Variants in SHANK2 observed in about 807,000 individuals in gnomAD.
SHANK2 encodes SH3 and multiple ankyrin repeat domains 2.
Under a neutral mutation model 133.7 loss-of-function variants are expected in SHANK2, and 43 were observed. The ratio of observed to expected loss-of-function variants is 0.32; its 90% CI spans 0.25 to 0.41. SHANK2 has a LOEUF of 0.41. Ranked by LOEUF, SHANK2 falls within the 10% of genes least tolerant of loss-of-function variation. SHANK2 has a pLI of 1.00. For missense variants in SHANK2, 1,994 were observed against 2,235.8 expected, an observed-to-expected ratio of 0.89 and a Z score of 2.18; for synonymous variants, 1,017 against 952.8, an observed-to-expected ratio of 1.07 and a Z score of -1.24.
At position 70,830,898 on chromosome 11, in the gene SHANK2, G is replaced by T. The variant is rs925394178; in HGVS notation, c.1175-10216C>A. Among the ~76,000 whole-genome samples, 1 of 152,190 alleles carries T rather than the reference G, an allele frequency of 6.6e-6. No individual in the cohort carries two copies. The highest frequency in any genetic ancestry group is 2.4e-5 in the African/African-American group (1 of 41,450). On this transcript the variant is annotated intron_variant, in intron 11 of 25. Transcript: ENST00000601538. This position sits in a 1 kb window ranked among gnomAD's most constrained non-coding sequence, Gnocchi z 4.4. Reference sequence around the variant, plus strand: ...GGTTTCCACGCATTGGAGCCCAAATGCCCACAGCATGGCTGAGCACTCCCT... The same window carrying T: ...GGTTTCCACGCATTGGAGCCCAAATTCCCACAGCATGGCTGAGCACTCCCT...
intron 14 of SHANK2, among the ~76,000 whole-genome samples, chr11:70,711,842 A>T (rs894294257): frequency 3.3e-5 from 5 of 152,204 alleles, no homozygotes; most frequent in African/African-American, 2.4e-5. Flanking sequence ...GGCTCCCGGG[A>T]CTGACCTTGC....
intron 17 of SHANK2, among the ~76,000 whole-genome samples, chr11:70,511,404 A>T (rs529152315): frequency 3.3e-5 from 5 of 152,302 alleles, no homozygotes; most frequent in African/African-American, 1.2e-4. Flanking sequence ...AGATGCCAGA[A>T]ATTGCTCATG....
chr11:70,596,482 GGGCATCAGGGTCCTGGTCTGGGACCCACC>G (rs1463765214), intron 17 of SHANK2, among the ~76,000 whole-genome samples: 1 of 152,168 alleles, frequency 6.6e-6, no homozygotes, highest in Non-Finnish European at 1.5e-5. Flanking sequence ...GGGTTGGAAG[GGGCATCAGGGTCCTGGTCTGGGACCCACC>G]CCCACCAGGC....
At chr11:71,202,508 A>C (rs1954037612) in intron 2 of SHANK2, among the ~76,000 whole-genome samples, 1 of 152,200 alleles carries the variant, frequency 6.6e-6, no homozygotes, top group Non-Finnish European at 1.5e-5. Context: ...CAGGTCTTCC[A>C]ACTCCACACT....
At chr11:70,948,890 A>C (rs1247374372) in intron 10 of SHANK2, among the ~76,000 whole-genome samples, 1 of 152,212 alleles carries the variant, frequency 6.6e-6, no homozygotes, top group East Asian at 1.9e-4. Context: ...AAAAAAATTA[A>C]ATTTTAACAT....
intron 17 of SHANK2, among the ~76,000 whole-genome samples, chr11:70,527,337 C>T (rs1186218246): frequency 1.3e-5 from 2 of 152,122 alleles, no homozygotes; most frequent in African/African-American, 4.8e-5. Flanking sequence ...CTGGACTCAC[C>T]CTGACCTTGT....
intron 15 of SHANK2, chr11:70,669,241 T>A (rs1944746872): frequency 6.6e-6 from 1 of 152,276 alleles, no homozygotes. Flanking sequence ...TTAAAGCGGC[T>A]GTGAGTGGTC....
At chr11:70,908,712 G>C (rs2938251) in intron 10 of SHANK2, among the ~76,000 whole-genome samples, 152,267 of 152,314 alleles carry the variant, frequency 1, 76,110 homozygotes, top group Non-Finnish European at 1. Flanking sequence ...CAAGGTGACT[G>C]TAATTACAAG....
chr11:70,553,939 G>A (rs1418687248), intron 17 of SHANK2, among the ~76,000 whole-genome samples: 1 of 152,252 alleles, frequency 6.6e-6, no homozygotes, highest in Non-Finnish European at 1.5e-5. Context: ...TGCCGCAGAA[G>A]AGGCTACAGG....
At chr11:71,059,218 G>A (rs1368569623) in intron 9 of SHANK2, among the ~76,000 whole-genome samples, 6 of 151,920 alleles carry the variant, frequency 3.9e-5, no homozygotes, top group Middle Eastern at 3.4e-3. Flanking sequence ...ACTCTGTCTC[G>A]AAAAAATAAA....
At position 70,665,675 on chromosome 11, in the gene SHANK2, A is replaced by G. The variant is rs1465247436; in HGVS notation, c.1854-3997T>C. On this transcript the variant is annotated intron_variant, in intron 15 of 25. Transcript: ENST00000601538. Reference sequence around the variant, plus strand: ...GCAGACAGACATGGGTTTGAATTTCAACCCAGACATTGACCACCTTGACTA... The same window carrying G: ...GCAGACAGACATGGGTTTGAATTTCGACCCAGACATTGACCACCTTGACTA... 9.9e-5 allele frequency among the ~76,000 whole-genome samples: 15 copies of G among 152,126 alleles called. No individual in the cohort carries two copies. In the East Asian group the frequency reaches 2.7e-3, roughly 27 times the overall value.
chr11:70,584,021 C>T (rs1265459417), intron 17 of SHANK2, among the ~76,000 whole-genome samples: 1 of 152,198 alleles, frequency 6.6e-6, no homozygotes, highest in Non-Finnish European at 1.5e-5. Flanking sequence ...TCTGCAGCCA[C>T]CGCGAGCATG....
Position 70,500,624 on chromosome 11 carries a change from C to A in SHANK2, c.2288-34G>T, listed in dbSNP as rs782175589. On this transcript the variant is annotated intron_variant, in intron 20 of 25. Coordinates refer to ENST00000601538, the MANE Select transcript of SHANK2 (RefSeq NM_012309.5). This position sits in a 1 kb window ranked among gnomAD's most constrained non-coding sequence, Gnocchi z 4.5. Reference sequence around the variant, plus strand: ...CAGAAAGGGGACCGCCATGAGCCACCAGGATGCAGCGCCCGCCCGCAGCCT... The same window carrying A: ...CAGAAAGGGGACCGCCATGAGCCACAAGGATGCAGCGCCCGCCCGCAGCCT... 2 of 1,593,860 alleles carry A rather than the reference C, an allele frequency of 1.3e-6. No individual in the cohort carries two copies. Among genetic ancestry groups the A allele is most frequent in the Non-Finnish European group, 1.7e-6 (2 of 1,170,866 alleles).
rs540187788 is a variant in SHANK2 at position 70,573,901 on chromosome 11, G to T, written c.2062-70970C>A. Among the ~76,000 whole-genome samples, 4 of 152,360 alleles carry T rather than the reference G, an allele frequency of 2.6e-5. No homozygotes were observed. The South Asian group carries it at 8.3e-4, about 32-fold the overall frequency. ...ACCCGCTGGGGGCCCTGAAAGGCCT[G>T]GGCTGATGATGTGGTCTTGGGCTCC... On this transcript the variant is annotated intron_variant, in intron 17 of 25. Coordinates refer to ENST00000601538, the MANE Select transcript of SHANK2 (RefSeq NM_012309.5).
At chr11:71,169,574 A>T (rs1953266009) in intron 2 of SHANK2, among the ~76,000 whole-genome samples, 1 of 152,072 alleles carries the variant, frequency 6.6e-6, no homozygotes, top group Non-Finnish European at 1.5e-5. Flanking sequence ...AACATGGTGA[A>T]ACCCCATGTC....
intron 17 of SHANK2, among the ~76,000 whole-genome samples, chr11:70,643,833 A>C (rs970970865): frequency 6.6e-6 from 1 of 152,124 alleles, no homozygotes; most frequent in Admixed American, 6.6e-5. Flanking sequence ...AAGACTGACC[A>C]ACAACAAAAG....
At chr11:71,123,464 T>G (rs1952115769) in intron 3 of SHANK2, among the ~76,000 whole-genome samples, 1 of 152,084 alleles carries the variant, frequency 6.6e-6, no homozygotes, top group Admixed American at 6.5e-5. Context: ...TACAGAGGGA[T>G]ATGCGAGTCT....
Position 70,801,760 on chromosome 11 carries a change from C to T in SHANK2, c.1664-3204G>A, listed in dbSNP as rs115159927. Among the ~76,000 whole-genome samples, 978 of 152,274 alleles carry T rather than the reference C, an allele frequency of 6.4e-3. 11 individuals are homozygous for T. The highest frequency in any genetic ancestry group is 0.022 in the African/African-American group (921 of 41,540). The stretch of plus-strand genomic sequence containing the variant: ...CCTGTTCTCTCTGTGGCCCCACCTA[C>T]TCCATGTGGAACACTAGGGTGAATT... On this transcript the variant is annotated intron_variant, in intron 13 of 25. Transcript: ENST00000601538.
Position 70,684,707 on chromosome 11 carries a change from A to C in SHANK2, c.1853+13981T>G, listed in dbSNP as rs190040107. Among the ~76,000 whole-genome samples the C allele has an allele frequency of 7.2e-5, 11 of 151,784 alleles. No individual in the cohort carries two copies. In the East Asian group the frequency reaches 1.2e-3, roughly 16 times the overall value. ...GGTAAACCCTTGGCCCCTGTCCGTC[A>C]CTCAGTGTGACTCAGTGAGTGCCTG... On this transcript the variant is annotated intron_variant, in intron 15 of 25. Coordinates refer to ENST00000601538, the MANE Select transcript of SHANK2 (RefSeq NM_012309.5).
Sources: gnomAD v4.1 joint callset for allele counts (sites outside exome capture counted in the v4.1 genomes callset) on GRCh38, gnomAD v4.1.1 for gene constraint, Gnocchi (gnomAD v3.1) non-coding constraint, MANE v1.5 for transcripts, NCBI Gene and HGNC (gene_info 2026-07-23, HGNC 2026-07-21) for gene names.